GRIA4: variants seen among roughly 807,000 people sequenced by gnomAD.
GRIA4 encodes glutamate ionotropic receptor AMPA type subunit 4.
In GRIA4, 34 loss-of-function variants were observed where a neutral mutation model predicts 104.0. That is an observed-to-expected ratio of 0.33 (90% CI 0.25 to 0.44). The LOEUF is 0.44. Among genes scored for constraint, GRIA4 ranks in the 20% least tolerant of loss-of-function variants. The pLI, the probability that GRIA4 is intolerant of heterozygous loss-of-function variation, is 1.00. For synonymous variants in GRIA4, 386 were observed against 381.9 expected (o/e 1.01, Z -0.13); for missense variants, 750 against 1,096.5 (o/e 0.68, Z 4.46).
chr11:105,722,853 A>G (rs1937924424), intron 3 of GRIA4, among the ~76,000 whole-genome samples: 1 of 152,174 alleles, frequency 6.6e-6, no homozygotes, highest in African/African-American at 2.4e-5. Context: ...CCAAATTTAC[A>G]TAGTCTAGGC....
At chr11:105,717,713 T>A (rs1954144425) in intron 3 of GRIA4, among the ~76,000 whole-genome samples, 1 of 151,922 alleles carries the variant, frequency 6.6e-6, no homozygotes, top group African/African-American at 2.4e-5. Flanking sequence ...TTCTTTTTTT[T>A]TATTTATTAT....
chr11:105,770,078 T>G (rs776792482), intron 4 of GRIA4, among the ~76,000 whole-genome samples: 4 of 152,098 alleles, frequency 2.6e-5, no homozygotes, highest in Non-Finnish European at 5.9e-5. Context: ...TATTACTTTT[T>G]GGTGTGTTTA....
At chr11:105,865,170 C>CT (rs1286693722) in intron 5 of GRIA4, among the ~76,000 whole-genome samples, 1 of 151,946 alleles carries the variant, frequency 6.6e-6, no homozygotes, top group Non-Finnish European at 1.5e-5. Context: ...AGTTTAAGAT[C>CT]AAGTATTTGA....
At chr11:105,769,103 G>A (rs1392832848) in intron 4 of GRIA4, among the ~76,000 whole-genome samples, 2 of 152,110 alleles carry the variant, frequency 1.3e-5, no homozygotes, top group Non-Finnish European at 1.5e-5. Context: ...ATTCTAGTAA[G>A]AGAATTATGA....
intron 4 of GRIA4, among the ~76,000 whole-genome samples, chr11:105,811,698 G>A (rs1943179241): frequency 6.6e-6 from 1 of 152,130 alleles, no homozygotes; most frequent in East Asian, 1.9e-4. Flanking sequence ...AATGTTGCAT[G>A]GGACATATTA....
chr11:105,956,729 G>A (rs1046674996), intron 14 of GRIA4, among the ~76,000 whole-genome samples: 13 of 152,252 alleles, frequency 8.5e-5, no homozygotes, highest in East Asian at 1.9e-4. Flanking sequence ...CATCAACAGC[G>A]TAAAAGTGTT....
At chr11:105,779,594 C>T (rs1941623688) in intron 4 of GRIA4, among the ~76,000 whole-genome samples, 1 of 151,796 alleles carries the variant, frequency 6.6e-6, no homozygotes, top group Non-Finnish European at 1.5e-5. Flanking sequence ...TGTAACTAAC[C>T]TGCACAATGT....
At chr11:105,751,095 G>A (rs1413592969) in intron 3 of GRIA4, among the ~76,000 whole-genome samples, 2 of 152,118 alleles carry the variant, frequency 1.3e-5, no homozygotes, top group East Asian at 1.9e-4. Context: ...TAAAATTTGT[G>A]TATAGTTTCA....
intron 4 of GRIA4, among the ~76,000 whole-genome samples, chr11:105,788,235 C>CA (rs1263443831): frequency 8.0e-5 from 12 of 150,828 alleles, no homozygotes; most frequent in South Asian, 4.2e-4. Context: ...ATTAGAAAAT[C>CA]AAAAAAAACA....
At chr11:105,822,412 C>T (rs997994580) in intron 4 of GRIA4, among the ~76,000 whole-genome samples, 1 of 152,012 alleles carries the variant, frequency 6.6e-6, no homozygotes, top group Non-Finnish European at 1.5e-5. Flanking sequence ...AATGTTTATA[C>T]TTATGCAGGT....
intron 3 of GRIA4, among the ~76,000 whole-genome samples, chr11:105,686,847 T>G (rs1312904536): frequency 1.3e-5 from 2 of 152,230 alleles, no homozygotes; most frequent in Non-Finnish European, 1.5e-5. Context: ...TATTTTTTCA[T>G]GTTTGTTGGC....
In GRIA4 at chr11:105,691,742, C is replaced by T. The variant is rs537791276; in HGVS notation, c.248-61239C>T. On this transcript the variant is annotated intron_variant, in intron 3 of 16. Coordinates refer to ENST00000282499, the MANE Select transcript of GRIA4 (RefSeq NM_000829.4). The stretch of plus-strand genomic sequence containing the variant: ...AGGGGGTCAAAAAATCGAGATCATC[C>T]TGGCCAACATGGTGACACCCTGTCT... 3.9e-5 allele frequency among the ~76,000 whole-genome samples: 6 copies of T among 151,992 alleles called. No homozygotes were observed. In the South Asian group the frequency reaches 1.2e-3, roughly 32 times the overall value.
intron 3 of GRIA4, among the ~76,000 whole-genome samples, chr11:105,705,818 C>T (rs1008116780): frequency 6.6e-6 from 1 of 152,114 alleles, no homozygotes; most frequent in Admixed American, 6.6e-5. Context: ...TGCCAACTTG[C>T]ACACCTTTTT....
chr11:105,762,288 T>C (rs1940698086), intron 4 of GRIA4, among the ~76,000 whole-genome samples: 1 of 152,190 alleles, frequency 6.6e-6, no homozygotes, highest in African/African-American at 2.4e-5. Context: ...CCTCCCAGAG[T>C]GCTGGGATTA....
rs1947725214 is a variant in GRIA4 at position 105,926,958 on chromosome 11, TA to T, written c.2046+24del. 1 of 1,521,026 alleles carries T rather than the reference TA, an allele frequency of 6.6e-7. No homozygotes were observed. Among genetic ancestry groups the T allele is most frequent in the African/African-American group, 1.4e-5 (1 of 72,846 alleles). The allele number at this position is 1,521,026 out of a possible 1,614,324, so 94.2% of individuals were successfully genotyped here. On this transcript the variant is annotated intron_variant, in intron 13 of 16. Coordinates refer to ENST00000282499, the MANE Select transcript of GRIA4 (RefSeq NM_000829.4). ...CTTCAGAGTAAGTTAAGGGAAAAAC[TA>T]AAAATGAAATGTTTATCATTTTGAA...
At chr11:105,851,393 G>A (rs193130365) in intron 4 of GRIA4, among the ~76,000 whole-genome samples, 3 of 152,228 alleles carry the variant, frequency 2.0e-5, no homozygotes, top group South Asian at 4.1e-4. Context: ...TGACAGGCAC[G>A]CTGTATACTT....
At chr11:105,867,355 T>C (rs1015569341) in intron 5 of GRIA4, among the ~76,000 whole-genome samples, 2 of 152,212 alleles carry the variant, frequency 1.3e-5, no homozygotes, top group Admixed American at 6.5e-5. Context: ...GCCTACCATG[T>C]CTAGTACCAT....
At chr11:105,927,788 T>A (rs894355893) in intron 13 of GRIA4, among the ~76,000 whole-genome samples, 4 of 152,032 alleles carry the variant, frequency 2.6e-5, no homozygotes, top group Non-Finnish European at 5.9e-5. Flanking sequence ...ATTCATTTTG[T>A]GACTTCAAAA....
intron 13 of GRIA4, among the ~76,000 whole-genome samples, chr11:105,929,369 A>C (rs1947809634): frequency 6.6e-6 from 1 of 152,114 alleles, no homozygotes; most frequent in Non-Finnish European, 1.5e-5. Flanking sequence ...AAAAGAATTA[A>C]GCCACAGGGG....
Sources: gnomAD v4.1 joint callset for allele counts (sites outside exome capture counted in the v4.1 genomes callset) on GRCh38, gnomAD v4.1.1 for gene constraint, MANE v1.5 for transcripts, NCBI Gene and HGNC (gene_info 2026-07-23, HGNC 2026-07-21) for gene names.